TASOR2: variants seen among roughly 807,000 people sequenced by gnomAD.
TASOR2 encodes transcription activation suppressor family member 2, also known as protein TASOR 2.
A neutral mutation model predicts 199.5 loss-of-function variants in TASOR2; 84 were observed. That is an observed-to-expected ratio of 0.42 (90% CI 0.35 to 0.50). The LOEUF (loss-of-function observed/expected upper bound fraction) is 0.50, where lower values mean the gene tolerates loss of function less well. Ranked by LOEUF, TASOR2 falls within the 20% of genes least tolerant of loss-of-function variation. TASOR2 has a pLI of 0.02. For missense variants in TASOR2, 2,796 were observed against 2,835.9 expected, an observed-to-expected ratio of 0.99 and a Z score of 0.32; for synonymous variants, 1,103 against 1,046.6, an observed-to-expected ratio of 1.05 and a Z score of -1.04.
At position 5,742,508 on chromosome 10, in the gene TASOR2, C is replaced by G. The variant is rs755490786; in HGVS notation, c.2739C>G (p.Ile913Met). Residue 913 changes from isoleucine (I) to methionine (M), a missense_variant, in exon 14 of 21, where the codon ATC becomes ATG. Physicochemically the swap from Ile to Met is conservative, Grantham distance 10. Coordinates refer to ENST00000328090, the Ensembl canonical transcript of TASOR2. The surrounding 1 kb of genome is among the most constrained non-coding windows in gnomAD (Gnocchi z 4.2). ...ACACCCAAGAAGACCAGAATTTCAT[C>G]TGTTCTTACAATAATGAGGTATGTA... The G allele has an allele frequency of 1.5e-5, 25 of 1,613,342 alleles. No homozygotes were observed. In the East Asian group the frequency reaches 5.3e-4, roughly 35 times the overall value.
Position 5,748,463 on chromosome 10 carries a change from AAGCACAG to A in TASOR2, c.5043_5049del (p.Ala1682LysfsTer40). On this transcript the variant is annotated frameshift_variant, in exon 15 of 21. Transcript: ENST00000328090. LOFTEE classifies it high-confidence loss of function. The surrounding 1 kb of genome is among the most constrained non-coding windows in gnomAD (Gnocchi z 5.1). ...CCAATAAATGCAGAGCCAGTGTTTCAAGCACAGGAAATACCAGCAGGCAGAATGGCCA... is the reference window on the plus strand; with the variant it reads ...CCAATAAATGCAGAGCCAGTGTTTCAGAAATACCAGCAGGCAGAATGGCCA... 6.2e-7 allele frequency: 1 copy of A among 1,614,188 alleles called. No homozygotes were observed. Among genetic ancestry groups the A allele is most frequent in the Non-Finnish European group, 8.5e-7 (1 of 1,180,042 alleles).
rs1186748113 is a variant in TASOR2 at position 5,730,334 on chromosome 10, A to G, written c.488-153A>G. The stretch of plus-strand genomic sequence containing the variant: ...AGATACATTTGTTAAATGTACCTCT[A>G]AGTCTTCTATTAATTGCCATTTAGG... On this transcript the variant is annotated intron_variant, in intron 10 of 20. Coordinates refer to ENST00000328090, the Ensembl canonical transcript of TASOR2. The surrounding 1 kb of genome is among the most constrained non-coding windows in gnomAD (Gnocchi z 4.1). Among the ~76,000 whole-genome samples the G allele has an allele frequency of 2.0e-5, 3 of 152,220 alleles. No homozygotes were observed. Among genetic ancestry groups the G allele is most frequent in the South Asian group, 2.1e-4 (1 of 4,830 alleles).
At chr10:5,747,764 T>A in exon 15 of TASOR2, 1 of 1,614,130 alleles carries the variant, frequency 6.2e-7, no homozygotes, top group Non-Finnish European at 8.5e-7. Context: ...GACTTAGGCA[T>A]AACAGAAAAA....
chr10:5,748,562 G>T lies in TASOR2; in HGVS notation c.5141G>T (p.Gly1714Val). ...GAAACCACAGGTCCAGGCACTGCTG[G>T]CCCTCAGTCCAACACCACATCTTCT... The change falls in exon 15 of 21, where the codon GGC becomes GTC. Residue 1714 changes from glycine to valine, a missense_variant. Around this residue, in one of 3 missense-constraint regions of TASOR2, gnomAD observed 1,941 missense variants for 1,924.9 expected, o/e 1.01. Coordinates refer to ENST00000328090, the Ensembl canonical transcript of TASOR2. This position sits in a 1 kb window ranked among gnomAD's most constrained non-coding sequence, Gnocchi z 5.1. 1 of 1,613,352 alleles carries T rather than the reference G, an allele frequency of 6.2e-7. No individual in the cohort carries two copies. The highest frequency in any genetic ancestry group is 1.3e-5 in the African/African-American group (1 of 75,052).
At chr10:5,762,505 A>G (rs764199340) in intron 19 of TASOR2, 27 bp from the exon 21 acceptor site, 2 of 536,342 alleles carry the variant, frequency 3.7e-6, no homozygotes, top group Non-Finnish European at 5.5e-6. Flanking sequence ...ATATTAACCA[A>G]AAGTTGTTTT....
In TASOR2 at chr10:5,738,126, TCAGA is replaced by T. The variant is rs144790621; in HGVS notation, c.1448-1488_1448-1485del. On this transcript the variant is annotated intron_variant, in intron 12 of 20. Transcript: ENST00000328090. This position sits in a 1 kb window ranked among gnomAD's most constrained non-coding sequence, Gnocchi z 4.7. ...TTAGAATCAAATGATAATTTTGAAG[TCAGA>T]CAGTCCTTTTGTTAATGAAACATGA... is the stretch of plus-strand genomic sequence containing the variant. Among the ~76,000 whole-genome samples, 3,755 of 152,350 alleles carry T rather than the reference TCAGA, an allele frequency of 0.025. 58 individuals are homozygous for T. The highest frequency in any genetic ancestry group is 0.037 in the South Asian group (178 of 4,830).
rs756042299 is a variant in TASOR2, at chr10:5,723,707, G to T, written c.177G>T (p.Met59Ile). 3 of 1,593,126 alleles carry T rather than the reference G, an allele frequency of 1.9e-6. No homozygotes were observed. The highest frequency in any genetic ancestry group is 2.6e-6 in the Non-Finnish European group (3 of 1,167,698). ...AGGAACTAGATTTTAAATATGTAAT[G>T]AAAGTGTCTTCCTTGAAAAAAAGAC... The change falls in exon 7 of 21, where the codon ATG becomes ATT. Residue 59 changes from methionine to isoleucine, a missense_variant. Met to Ile is a conservative substitution (Grantham distance 10, BLOSUM62 1). This residue lies in a region of TASOR2 where 847 missense variants were observed against 887.4 expected (regional missense o/e 0.95). Coordinates refer to ENST00000328090, the Ensembl canonical transcript of TASOR2.
In TASOR2 at chr10:5,742,365, G is replaced by C. The variant is rs777315871; in HGVS notation, c.2596G>C (p.Val866Leu). 1.2e-6 allele frequency: 2 copies of C among 1,614,030 alleles called. No homozygotes were observed. Among genetic ancestry groups the C allele is most frequent in the African/African-American group, 1.3e-5 (1 of 74,900 alleles). The change falls in exon 14 of 21, where the codon GTA (valine) becomes CTA (leucine). Residue 866 changes from valine (V) to leucine (L), a missense_variant. Physicochemically the swap from Val to Leu is conservative, Grantham distance 32 (BLOSUM62 1). Transcript: ENST00000328090. The surrounding 1 kb of genome is among the most constrained non-coding windows in gnomAD (Gnocchi z 4.2). ...AATTTCCAGGGCTCATGCTGCTGAA[G>C]TATCCTTCCGTGATCCTAACTGCTT...
At chr10:5,745,325 A>G (rs1163817298) in intron 14 of TASOR2, among the ~76,000 whole-genome samples, 1 of 152,182 alleles carries the variant, frequency 6.6e-6, no homozygotes, top group Non-Finnish European at 1.5e-5. Flanking sequence ...TGCAAAGAAG[A>G]TAGCTAAGGG....
At chr10:5,709,397 C>T (rs1831628871) in intron 1 of TASOR2, 1 of 528,900 alleles carries the variant, frequency 1.9e-6, no homozygotes, top group Non-Finnish European at 2.9e-6. Flanking sequence ...GCTGAGAATA[C>T]TTGTCAAAGG....
Position 5,749,457 on chromosome 10 carries a change from G to A in TASOR2, c.6036G>A (p.Gln2012=), listed in dbSNP as rs541849338. ...TCTTTCCAAAGGAGTCACCAACCCA[G>A]ATCTCCATTGGTGCTTTCCCTTCGA... Residue 2012 remains glutamine (Q), a synonymous_variant, in exon 15 of 21, where the codon CAG becomes CAA. Coordinates refer to ENST00000328090, the Ensembl canonical transcript of TASOR2. 6 of 1,614,024 alleles carry A rather than the reference G, an allele frequency of 3.7e-6. No individual in the cohort carries two copies. The South Asian group carries it at 6.6e-5, about 18-fold the overall frequency.
intron 18 of TASOR2, among the ~76,000 whole-genome samples, chr10:5,759,731 G>A (rs954181807): frequency 3.3e-5 from 5 of 152,342 alleles, no homozygotes; most frequent in South Asian, 2.1e-4. Context: ...CCAGAAAGAC[G>A]AAACGACTGT....
At position 5,742,611 on chromosome 10, in the gene TASOR2, C is replaced by A. The variant is rs1172773027; in HGVS notation, c.2757+85C>A. On this transcript the variant is annotated intron_variant, in intron 14 of 20. Transcript: ENST00000328090. The surrounding 1 kb of genome is among the most constrained non-coding windows in gnomAD (Gnocchi z 4.2). ...ATGTAAAATCACATTCAAAACAAGGCATTTTTAAATTTTAGGACAGTGAAT... is the reference window on the plus strand; with the variant it reads ...ATGTAAAATCACATTCAAAACAAGGAATTTTTAAATTTTAGGACAGTGAAT... 6.0e-6 allele frequency: 8 copies of A among 1,328,284 alleles called. No individual in the cohort carries two copies. The highest frequency in any genetic ancestry group is 8.3e-6 in the Non-Finnish European group (8 of 964,630). The allele number at this position is 1,328,284 out of a possible 1,614,324, so 82.3% of individuals were successfully genotyped here.
chr10:5,691,817 G>A (rs1048486904), intron 1 of TASOR2, among the ~76,000 whole-genome samples: 2 of 152,032 alleles, frequency 1.3e-5, no homozygotes, highest in African/African-American at 4.8e-5. Context: ...ATGGCTTATT[G>A]GGAAGGGACC....
chr10:5,746,118 A>C, intron 14 of TASOR2, 61 bp from the exon 16 acceptor site: 1 of 1,475,036 alleles, frequency 6.8e-7, no homozygotes, highest in Non-Finnish European at 9.0e-7. Flanking sequence ...ATGTACATAT[A>C]ATCGTATAAA....
At chr10:5,734,716 A>ATT (rs140600979) in intron 11 of TASOR2, among the ~76,000 whole-genome samples, 3 of 54,198 alleles carry the variant, frequency 5.5e-5, no homozygotes, top group Admixed American at 3.0e-4. Flanking sequence ...GGTTATGAAG[A>ATT]TTTTTTTTTT....
chr10:5,724,116 CAA>C (rs982453476), intron 7 of TASOR2, among the ~76,000 whole-genome samples: 1 of 152,100 alleles, frequency 6.6e-6, no homozygotes, highest in African/African-American at 2.4e-5. Flanking sequence ...CTTTTAAACT[CAA>C]AGAAAAACCA....
chr10:5,696,275 T>G (rs1334409891), intron 1 of TASOR2, among the ~76,000 whole-genome samples: 1 of 152,174 alleles, frequency 6.6e-6, no homozygotes, highest in Non-Finnish European at 1.5e-5. Context: ...TTCACCCGAT[T>G]GAACAGTTGG....
chr10:5,717,663 A>G (rs1832825398), exon 3 of TASOR2: 3 of 1,205,648 alleles, frequency 2.5e-6, no homozygotes, highest in Non-Finnish European at 3.1e-6. Flanking sequence ...TTACAGGTGT[A>G]TACATTTCCA....
Sources: gnomAD v4.1 joint callset for allele counts (sites outside exome capture counted in the v4.1 genomes callset) on GRCh38, gnomAD v4.1.1 for gene constraint, gnomAD v4.1.1 regional missense constraint, Gnocchi (gnomAD v3.1) non-coding constraint, MANE v1.5 for transcripts, NCBI Gene and HGNC (gene_info 2026-07-23, HGNC 2026-07-21) for gene names.